Variants in TMEM131 observed in about 807,000 individuals in gnomAD.
TMEM131 encodes 2610524E03Rik.
Under a neutral mutation model 211.6 loss-of-function variants are expected in TMEM131, and 66 were observed. The ratio of observed to expected loss-of-function variants is 0.31; its 90% CI spans 0.26 to 0.38. The LOEUF is 0.38. TMEM131 is among the 10% of genes least tolerant of loss of function. The pLI, the probability that TMEM131 is intolerant of heterozygous loss-of-function variation, is 1.00. For synonymous variants in TMEM131, 844 were observed against 841.3 expected (o/e 1.00, Z -0.06); for missense variants, 2,036 against 2,299.3 (o/e 0.89, Z 2.34).
intron 2 of TMEM131, among the ~76,000 whole-genome samples, chr2:97,919,885 A>G (rs1323047727): frequency 6.6e-6 from 1 of 152,158 alleles, no homozygotes; most frequent in Non-Finnish European, 1.5e-5. Flanking sequence ...TTGATTTCCA[A>G]TATTTTTTCT....
At chr2:97,792,351 C>T in intron 31 of TMEM131, 35 bp downstream of exon 31, 2 of 1,501,404 alleles carry the variant, frequency 1.3e-6, no homozygotes, top group Non-Finnish European at 1.8e-6. Flanking sequence ...TTTTCCCTCA[C>T]ACATCACGGA....
chr2:97,758,871 A>G (rs1008970610), intron 40 of TMEM131, 22 bp downstream of exon 40: 3 of 1,592,002 alleles, frequency 1.9e-6, no homozygotes, highest in Non-Finnish European at 1.7e-6. Flanking sequence ...TCCAGGCCCC[A>G]GCCCCAGCCC....
At chr2:97,823,298 A>G (rs1682217329) in intron 11 of TMEM131, among the ~76,000 whole-genome samples, 1 of 152,056 alleles carries the variant, frequency 6.6e-6, no homozygotes, top group African/African-American at 2.4e-5. Context: ...GGGGGAGAGG[A>G]ATTTGGCCCA....
rs1479567775 is a variant in TMEM131, at chr2:97,797,577, C to T, written c.2719-61G>A. 7.7e-6 allele frequency: 11 copies of T among 1,422,740 alleles called. No individual in the cohort carries two copies. The South Asian group carries it at 9.4e-5, about 12-fold the overall frequency. 88.1% of individuals were successfully genotyped at this position (1,422,740 alleles called of 1,614,324 possible). ...TATATTCTCTGGAAGAATGTTTCTT[C>T]GCTTACACCCCATCTAGAGCCCAGT... is the stretch of plus-strand genomic sequence containing the variant. On this transcript the variant is annotated intron_variant, in intron 25 of 40. Transcript: ENST00000186436.
intron 4 of TMEM131, among the ~76,000 whole-genome samples, chr2:97,869,277 C>T (rs1674396252): frequency 6.6e-6 from 1 of 152,184 alleles, no homozygotes; most frequent in African/African-American, 2.4e-5. Context: ...GGGTATCCTT[C>T]AAGAAGACAG....
intron 5 of TMEM131, among the ~76,000 whole-genome samples, chr2:97,856,364 C>T (rs1028827717): frequency 4.6e-5 from 7 of 152,046 alleles, no homozygotes; most frequent in African/African-American, 1.4e-4. Flanking sequence ...AACCATACCC[C>T]GTACCTCTCT....
chr2:97,953,693 C>T (rs910962578), intron 1 of TMEM131, among the ~76,000 whole-genome samples: 6 of 152,188 alleles, frequency 3.9e-5, no homozygotes, highest in African/African-American at 1.2e-4. Context: ...CTCCACCCTA[C>T]AACAGAATAT....
chr2:97,863,905 T>C (rs564184448), intron 4 of TMEM131, among the ~76,000 whole-genome samples: 83 of 152,276 alleles, frequency 5.5e-4, no homozygotes, highest in African/African-American at 1.9e-3. Context: ...AATCAGTATA[T>C]TGTAGCGTTT....
chr2:97,792,481 A>C lies in TMEM131; in HGVS notation c.4049T>G (p.Leu1350Arg), dbSNP rs963068716. ...HSSEDSDITS[L>R]IEAMDKDFDH... is the part of the protein sequence containing the mutation. Reference sequence around the variant, plus strand: ...GAAGTCTTTGTCCATGGCTTCTATGAGACTGGTGATGTCCGAGTCCTCGGA... The same window carrying C: ...GAAGTCTTTGTCCATGGCTTCTATGCGACTGGTGATGTCCGAGTCCTCGGA... The change falls in exon 31 of 41, where the codon CTC becomes CGC. Residue 1350 changes from leucine to arginine, a missense_variant. Leu to Arg is a moderately radical substitution (Grantham distance 102). Transcript: ENST00000186436. 1.9e-6 allele frequency: 3 copies of C among 1,613,564 alleles called. No individual in the cohort carries two copies. The highest frequency in any genetic ancestry group is 2.7e-5 in the African/African-American group (2 of 74,864).
Position 97,776,030 on chromosome 2 carries a change from A to G in TMEM131, c.4145-12T>C, listed in dbSNP as rs769231119. 3 of 1,594,394 alleles carry G rather than the reference A, an allele frequency of 1.9e-6. No individual in the cohort carries two copies. Among genetic ancestry groups the G allele is most frequent in the Non-Finnish European group, 8.5e-7 (1 of 1,174,346 alleles). ...AGGTTTTCCTTTCCCTGAGGATAAA[A>G]ATTAAAGTAAAAGAACTCTTGTTTT... is the stretch of plus-strand genomic sequence containing the variant. On this transcript the variant is annotated splice_polypyrimidine_tract_variant and intron_variant, in intron 31 of 40. Transcript: ENST00000186436.
At chr2:97,818,532 T>C in intron 12 of TMEM131, 81 bp downstream of exon 12, 2 of 902,658 alleles carry the variant, frequency 2.2e-6, no homozygotes, top group Non-Finnish European at 3.4e-6. Context: ...TTTGGATTTT[T>C]ATATTAAGAC....
chr2:97,911,368 T>G (rs1408479169), intron 2 of TMEM131, among the ~76,000 whole-genome samples: 1 of 152,234 alleles, frequency 6.6e-6, no homozygotes, highest in Non-Finnish European at 1.5e-5. Context: ...TTGATTGTAG[T>G]AATAATTTCA....
intron 1 of TMEM131, among the ~76,000 whole-genome samples, chr2:97,944,400 T>C (rs1278352767): frequency 1.3e-5 from 2 of 152,210 alleles, no homozygotes; most frequent in African/African-American, 4.8e-5. Context: ...ATGTAAATCT[T>C]CATAACCTCT....
At chr2:97,890,417 G>T (rs1047188302) in intron 3 of TMEM131, among the ~76,000 whole-genome samples, 3 of 152,196 alleles carry the variant, frequency 2.0e-5, no homozygotes, top group Non-Finnish European at 4.4e-5. Context: ...TGTGCTGATG[G>T]ATTGATTTTG....
intron 1 of TMEM131, among the ~76,000 whole-genome samples, chr2:97,976,040 TA>T (rs1392327245): frequency 2.6e-5 from 4 of 151,990 alleles, no homozygotes; most frequent in African/African-American, 9.7e-5. Flanking sequence ...AAACAAGACA[TA>T]AAAGAACCTC....
intron 33 of TMEM131, among the ~76,000 whole-genome samples, chr2:97,767,959 C>T (rs933568776): frequency 2.0e-5 from 3 of 152,206 alleles, no homozygotes; most frequent in Admixed American, 1.3e-4. Context: ...CACCATAACA[C>T]CCTCATTCCC....
intron 1 of TMEM131, 59 bp from the exon 2 acceptor site, chr2:97,927,546 A>T (rs116369039): frequency 7.4e-6 from 10 of 1,353,558 alleles, no homozygotes; most frequent in Middle Eastern, 1.8e-4. Context: ...TTTTCATAAC[A>T]TCTTTGACTT....
At chr2:97,826,674 AAG>A (rs769138822) in intron 11 of TMEM131, among the ~76,000 whole-genome samples, 2 of 152,190 alleles carry the variant, frequency 1.3e-5, no homozygotes, top group South Asian at 2.1e-4. Flanking sequence ...AAGAGAAAAA[AAG>A]AGAGACAAAA....
chr2:97,950,219 TGA>T (rs1553618917), intron 1 of TMEM131, among the ~76,000 whole-genome samples: 3 of 152,224 alleles, frequency 2.0e-5, no homozygotes, highest in Non-Finnish European at 4.4e-5. Context: ...TATTTCCCCA[TGA>T]AAAGTGTTCG....
Sources: gnomAD v4.1 joint callset for allele counts (sites outside exome capture counted in the v4.1 genomes callset) on GRCh38, gnomAD v4.1.1 for gene constraint, MANE v1.5 for transcripts, NCBI Gene and HGNC (gene_info 2026-07-23, HGNC 2026-07-21) for gene names.